Variants in TRHDE observed in about 807,000 individuals in gnomAD.
TRHDE encodes the protein thyrotropin releasing hormone degrading enzyme.
TRHDE carries 72 observed loss-of-function variants against 125.7 expected under a neutral mutation model. The observed-to-expected ratio is 0.57, with a 90% CI of 0.47 to 0.70. The LOEUF is 0.70. TRHDE is among the 30% of genes least tolerant of loss of function. The probability of loss-of-function intolerance (pLI) is 0.00; values close to 1 mark genes in which losing one functional copy is unlikely to be tolerated. For synonymous variants in TRHDE, 509 were observed against 509.1 expected (o/e 1.00, Z 0.00); for missense variants, 1,110 against 1,327.1 (o/e 0.84, Z 2.54).
In TRHDE at chr12:72,119,094, G is replaced by T. The variant is rs1277133383; in HGVS notation, n.279+13342G>T. Among the ~76,000 whole-genome samples, 4 of 151,584 alleles carry T rather than the reference G, an allele frequency of 2.6e-5. No homozygotes were observed. The East Asian group carries it at 7.7e-4, about 29-fold the overall frequency. On this transcript the variant is annotated intron_variant and non_coding_transcript_variant, in intron 2 of 4. Coordinates refer to the TRHDE transcript ENST00000548156. The stretch of plus-strand genomic sequence containing the variant: ...TTTCTACTAATTTTGGCTTTAGTTT[G>T]CTCTTGCTTTACTAGTTCCTTTAGA...
At chr12:72,301,953 T>C (rs1868268727) in intron 2 of TRHDE, among the ~76,000 whole-genome samples, 4 of 152,222 alleles carry the variant, frequency 2.6e-5, no homozygotes, top group Admixed American at 2.6e-4. Context: ...GTTATAATAC[T>C]GCTAGATCTC....
At position 72,664,138 on chromosome 12, in the gene TRHDE, A is replaced by G. The variant is rs1038664880; in HGVS notation, c.*943A>G. 3 of 152,252 alleles carry G rather than the reference A, an allele frequency of 2.0e-5. No individual in the cohort carries two copies. Among genetic ancestry groups the G allele is most frequent in the Admixed American group, 6.6e-5 (1 of 15,252 alleles). The allele number at this position is 152,252 out of a possible 1,614,324, so 9.4% of individuals were successfully genotyped here. A position where few individuals can be genotyped will look rare whatever the true frequency, so the allele number is the denominator to read the frequency against. ...AAACAAAATTTTTGTATAAACTACT[A>G]TTCCAGTTCTCCTGTGTCAGTCTTG... On this transcript the variant is annotated 3_prime_UTR_variant, in exon 19 of 19. Coordinates refer to ENST00000261180, the MANE Select transcript of TRHDE (RefSeq NM_013381.3).
intron 2 of TRHDE, among the ~76,000 whole-genome samples, chr12:72,352,088 AC>A (rs1161483602): frequency 6.6e-6 from 1 of 151,824 alleles, no homozygotes; most frequent in Non-Finnish European, 1.5e-5. Context: ...TTTTAAATGA[AC>A]GTTTGTCTCC....
chr12:72,583,923 C>CTTTTTTTTTTTTTTTTT (rs1190363456), intron 12 of TRHDE, among the ~76,000 whole-genome samples: 1 of 60,486 alleles, frequency 1.7e-5, no homozygotes, highest in African/African-American at 1.3e-4. Flanking sequence ...GGATGACAAA[C>CTTTTTTTTTTTTTTTTT]TTTTTTTTTT....
chr12:72,608,567 G>A (rs1446491855), intron 12 of TRHDE, among the ~76,000 whole-genome samples: 2 of 152,124 alleles, frequency 1.3e-5, no homozygotes, highest in Non-Finnish European at 2.9e-5. Context: ...AGGAATCCAG[G>A]GAATGGGATC....
At chr12:72,650,423 A>G (rs1874459160) in intron 15 of TRHDE, among the ~76,000 whole-genome samples, 1 of 152,146 alleles carries the variant, frequency 6.6e-6, no homozygotes, top group Non-Finnish European at 1.5e-5. Flanking sequence ...GTGGCACTCA[A>G]GTGCCTTCCA....
At position 72,516,651 on chromosome 12, in the gene TRHDE, A is replaced by C. The variant is rs527270264; in HGVS notation, c.1722+17016A>C. On this transcript the variant is annotated intron_variant, in intron 6 of 18. Coordinates refer to ENST00000261180, the MANE Select transcript of TRHDE (RefSeq NM_013381.3). ...TACCCTTTATTTCCTTCTCCTGCCT[A>C]ATTGCCCTGGCCAGAACTTCCAACA... 5.8e-3 allele frequency among the ~76,000 whole-genome samples: 881 copies of C among 151,652 alleles called. 7 individuals are homozygous for C. The highest frequency in any genetic ancestry group is 0.019 in the African/African-American group (799 of 41,380).
At chr12:72,144,308 C>T (rs75418813) in intron 2 of TRHDE, among the ~76,000 whole-genome samples, 8 of 152,340 alleles carry the variant, frequency 5.3e-5, no homozygotes, top group African/African-American at 9.6e-5. Flanking sequence ...CATCCTTTAA[C>T]GTTCTGGCTG....
chr12:72,567,641 C>G lies in TRHDE; in HGVS notation c.2043-927C>G, dbSNP rs79368600. On this transcript the variant is annotated intron_variant, in intron 9 of 18. Transcript: ENST00000261180. ...TTTATTCTCACAGTTATTGAGATCA[C>G]GCAATATCTTGTCTTACATTTCTAA... Among the ~76,000 whole-genome samples, 226 of 152,056 alleles carry G rather than the reference C, an allele frequency of 1.5e-3. 1 individual carries two copies. The highest frequency in any genetic ancestry group is 5.0e-3 in the African/African-American group (208 of 41,560).
intron 3 of TRHDE, among the ~76,000 whole-genome samples, chr12:72,430,851 A>G (rs1874447853): frequency 6.6e-6 from 1 of 152,080 alleles, no homozygotes; most frequent in South Asian, 2.1e-4. Context: ...AGAGTATTGT[A>G]ATTGTAATAT....
chr12:72,634,084 T>A (rs1053709307), intron 15 of TRHDE, among the ~76,000 whole-genome samples: 2 of 152,136 alleles, frequency 1.3e-5, no homozygotes, highest in African/African-American at 4.8e-5. Context: ...CTAGGCCCTG[T>A]GCTAAGCACT....
chr12:72,636,255 C>G lies in TRHDE; in HGVS notation c.2675+14504C>G, dbSNP rs1230791910. ...GTTGGATTCCTAGGTATTTTATTCT[C>G]TTTGAAGCAATTGTGAATGGGAGTT... On this transcript the variant is annotated intron_variant, in intron 15 of 18. Coordinates refer to ENST00000261180, the MANE Select transcript of TRHDE (RefSeq NM_013381.3). Among the ~76,000 whole-genome samples the G allele has an allele frequency of 2.7e-5, 4 of 150,848 alleles. No homozygotes were observed. The East Asian group carries it at 5.8e-4, about 22-fold the overall frequency.
At chr12:72,409,837 T>C (rs1245208306) in intron 3 of TRHDE, among the ~76,000 whole-genome samples, 2 of 152,102 alleles carry the variant, frequency 1.3e-5, no homozygotes, top group Non-Finnish European at 2.9e-5. Context: ...GGGCATAAAA[T>C]AGAACCATAG....
intron 6 of TRHDE, among the ~76,000 whole-genome samples, chr12:72,536,431 G>C (rs1868861869): frequency 6.6e-6 from 1 of 152,104 alleles, no homozygotes; most frequent in African/African-American, 2.4e-5. Flanking sequence ...AGAGGCGTCA[G>C]GTTGATAGTT....
intron 2 of TRHDE, among the ~76,000 whole-genome samples, chr12:72,352,089 C>A (rs1008258393): frequency 2.0e-5 from 3 of 151,804 alleles, no homozygotes; most frequent in South Asian, 2.1e-4. Context: ...TTTAAATGAA[C>A]GTTTGTCTCC....
At chr12:72,166,983 G>A (rs1045399794) in intron 2 of TRHDE, among the ~76,000 whole-genome samples, 1 of 151,454 alleles carries the variant, frequency 6.6e-6, no homozygotes, top group Non-Finnish European at 1.5e-5. Context: ...TAATGGCTAA[G>A]GGTTGGAAAG....
intron 1 of TRHDE, among the ~76,000 whole-genome samples, chr12:72,097,094 G>A (rs1452644440): frequency 6.6e-6 from 1 of 152,194 alleles, no homozygotes; most frequent in Non-Finnish European, 1.5e-5. Context: ...CAACCCACAT[G>A]TACAAAGAGT....
intron 6 of TRHDE, among the ~76,000 whole-genome samples, chr12:72,526,613 C>T (rs570412354): frequency 2.0e-5 from 3 of 152,196 alleles, no homozygotes; most frequent in East Asian, 3.9e-4. Context: ...TCTCTGGCAA[C>T]AAAAGGATTA....
intron 2 of TRHDE, among the ~76,000 whole-genome samples, chr12:72,294,257 G>C (rs2139438295): frequency 1.3e-5 from 2 of 152,318 alleles, no homozygotes; most frequent in South Asian, 2.1e-4. Flanking sequence ...TTGAGTTCTT[G>C]TCCTGTGACC....
Sources: allele counts gnomAD v4.1 joint callset (sites outside exome capture counted in the v4.1 genomes callset), GRCh38; gene constraint gnomAD v4.1.1; transcripts MANE v1.5; gene names NCBI Gene and HGNC (gene_info 2026-07-23, HGNC 2026-07-21).